Variants in TESK2 observed in about 807,000 individuals in gnomAD.
The protein encoded by TESK2 is dual specificity testis-specific protein kinase 2.
Under a neutral mutation model 57.1 loss-of-function variants are expected in TESK2, and 39 were observed. The observed-to-expected ratio is 0.68, with a 90% CI of 0.53 to 0.89. The LOEUF (loss-of-function observed/expected upper bound fraction) is 0.89, where lower values mean the gene tolerates loss of function less well. Ranked by LOEUF, TESK2 falls within the 40% of genes least tolerant of loss-of-function variation. TESK2 has a pLI of 0.00. For missense variants in TESK2, 646 were observed against 732.1 expected, an observed-to-expected ratio of 0.88 and a Z score of 1.36; for synonymous variants, 249 against 267.9, an observed-to-expected ratio of 0.93 and a Z score of 0.69.
intron 4 of TESK2, among the ~76,000 whole-genome samples, chr1:45,376,228 T>TC (rs1648419349): frequency 6.9e-6 from 1 of 145,358 alleles, no homozygotes. Flanking sequence ...TTTTTTTTTT[T>TC]TTTTTTTGAG....
intron 3 of TESK2, among the ~76,000 whole-genome samples, chr1:45,401,829 A>C (rs896440538): frequency 1.3e-5 from 2 of 152,148 alleles, no homozygotes; most frequent in Non-Finnish European, 2.9e-5. Flanking sequence ...CTACGAACCA[A>C]TGAAAATCTA....
At chr1:45,442,484 T>C (rs1282815251) in intron 2 of TESK2, among the ~76,000 whole-genome samples, 1 of 152,196 alleles carries the variant, frequency 6.6e-6, no homozygotes, top group East Asian at 1.9e-4. Flanking sequence ...TTTCCAATTA[T>C]ACTCCCAAAC....
At chr1:45,483,531 G>A (rs1035394172) in intron 1 of TESK2, among the ~76,000 whole-genome samples, 1 of 151,650 alleles carries the variant, frequency 6.6e-6, no homozygotes, top group Non-Finnish European at 1.5e-5. Flanking sequence ...CCGGCAGGCA[G>A]AGGTTGCAGT....
chr1:45,420,309 GGCTCACTGTA>G (rs1650418956), intron 3 of TESK2, among the ~76,000 whole-genome samples: 1 of 151,740 alleles, frequency 6.6e-6, no homozygotes, highest in Non-Finnish European at 1.5e-5. Context: ...CTGCAATCAT[GGCTCACTGTA>G]GCTGTGAACT....
At chr1:45,481,281 C>A (rs1192270230) in intron 1 of TESK2, among the ~76,000 whole-genome samples, 1 of 151,964 alleles carries the variant, frequency 6.6e-6, no homozygotes, top group Admixed American at 6.6e-5. Flanking sequence ...AGGAGAATGG[C>A]GTGAACCCAG....
chr1:45,388,363 C>T (rs1246939854), intron 3 of TESK2, among the ~76,000 whole-genome samples: 1 of 152,194 alleles, frequency 6.6e-6, no homozygotes, highest in Admixed American at 6.5e-5. Context: ...TTCCCATTAT[C>T]CTACTATAAC....
chr1:45,438,589 C>T (rs1651319068), intron 2 of TESK2, among the ~76,000 whole-genome samples: 1 of 152,186 alleles, frequency 6.6e-6, no homozygotes, highest in African/African-American at 2.4e-5. Context: ...AGATTTGTTA[C>T]ATAGGTAAAC....
At chr1:45,396,489 T>G (rs1649363559) in intron 3 of TESK2, among the ~76,000 whole-genome samples, 1 of 152,050 alleles carries the variant, frequency 6.6e-6, no homozygotes, top group South Asian at 2.1e-4. Context: ...TGGTATGAGA[T>G]AACTCTTTTT....
At chr1:45,388,444 T>G (rs1648987306) in intron 3 of TESK2, among the ~76,000 whole-genome samples, 1 of 152,182 alleles carries the variant, frequency 6.6e-6, no homozygotes, top group Non-Finnish European at 1.5e-5. Context: ...CTATGATGGG[T>G]ACTAGCAGGA....
chr1:45,395,100 C>A (rs996622163), intron 3 of TESK2, among the ~76,000 whole-genome samples: 3 of 152,146 alleles, frequency 2.0e-5, no homozygotes, highest in African/African-American at 7.2e-5. Context: ...CATTATTAAG[C>A]TTTTCCACAT....
At chr1:45,347,814 G>A in intron 6 of TESK2, 104 bp downstream of exon 6, 1 of 1,434,948 alleles carries the variant, frequency 7.0e-7, no homozygotes, top group African/African-American at 1.4e-5. Context: ...AGGGAGCTGA[G>A]GTTGAGCTGT....
Position 45,355,345 on chromosome 1 carries a change from G to A in TESK2, c.498C>T (p.Tyr166=). 6.2e-7 allele frequency: 1 copy of A among 1,613,864 alleles called. No homozygotes were observed. The highest frequency in any genetic ancestry group is 8.5e-7 in the Non-Finnish European group (1 of 1,179,924). The stretch of plus-strand genomic sequence containing the variant: ...GATGAAAAATGCCTTTGAAGTGAAG[G>A]TAGCTGAGGCCCACTGCTATGTCAT... ...LAYDIAVGLS[Y]LHFKGIFHRD... is the part of the protein sequence containing the mutation. The change falls in exon 5 of 11, where the codon TAC becomes TAT. Residue 166 remains tyrosine, a synonymous_variant. Coordinates refer to ENST00000372086, the MANE Select transcript of TESK2 (RefSeq NM_007170.3).
At chr1:45,424,001 T>C (rs1650585876) in intron 2 of TESK2, among the ~76,000 whole-genome samples, 1 of 152,240 alleles carries the variant, frequency 6.6e-6, no homozygotes, top group Non-Finnish European at 1.5e-5. Flanking sequence ...AATGAGGCAG[T>C]AGAAAAATCA....
intron 3 of TESK2, chr1:45,413,732 T>C: frequency 4.8e-6 from 2 of 417,786 alleles, no homozygotes; most frequent in Admixed American, 2.9e-5. Context: ...AGAAGTCTCA[T>C]CTACTCAGCC....
chr1:45,472,615 G>C (rs1215748386), intron 1 of TESK2, among the ~76,000 whole-genome samples: 1 of 150,460 alleles, frequency 6.6e-6, no homozygotes, highest in Non-Finnish European at 1.5e-5. Flanking sequence ...GAGGTACCCA[G>C]ATGACTCCAA....
intron 4 of TESK2, among the ~76,000 whole-genome samples, chr1:45,373,010 A>G (rs951922196): frequency 3.3e-5 from 5 of 149,778 alleles, no homozygotes; most frequent in African/African-American, 1.2e-4. Flanking sequence ...CCTGGGCAAC[A>G]AGAGCGAATC....
intron 4 of TESK2, among the ~76,000 whole-genome samples, chr1:45,374,116 A>G (rs1293574848): frequency 6.6e-6 from 1 of 152,238 alleles, no homozygotes; most frequent in African/African-American, 2.4e-5. Context: ...TGCTGTCCTC[A>G]TACTACCAAT....
intron 2 of TESK2, among the ~76,000 whole-genome samples, chr1:45,448,735 T>C (rs987403658): frequency 1.3e-5 from 2 of 152,220 alleles, no homozygotes; most frequent in East Asian, 1.9e-4. Flanking sequence ...ACCTTCAACA[T>C]TGGGAATCAC....
chr1:45,378,145 TATA>T (rs1648515405), intron 4 of TESK2, among the ~76,000 whole-genome samples: 1 of 152,134 alleles, frequency 6.6e-6, no homozygotes, highest in South Asian at 2.1e-4. Flanking sequence ...GAAAATGAAC[TATA>T]ATGAGTAACA....
Sources: gnomAD v4.1 joint callset for allele counts (sites outside exome capture counted in the v4.1 genomes callset) on GRCh38, gnomAD v4.1.1 for gene constraint, MANE v1.5 for transcripts, NCBI Gene and HGNC (gene_info 2026-07-23, HGNC 2026-07-21) for gene names.